The following LRFN2 variants were observed in gnomAD, a reference collection of about 807,000 sequenced individuals.
LRFN2 encodes the protein leucine-rich repeat and fibronectin type-III domain-containing protein 2.
Under a neutral mutation model 37.3 loss-of-function variants are expected in LRFN2, and 18 were observed. The observed-to-expected ratio is 0.48, with a 90% CI of 0.33 to 0.72. The LOEUF is 0.72. LRFN2 is among the 30% of genes least tolerant of loss of function. The probability of loss-of-function intolerance (pLI) is 0.02; values close to 1 mark genes in which losing one functional copy is unlikely to be tolerated. For synonymous variants in LRFN2, 556 were observed against 466.6 expected, an observed-to-expected ratio of 1.19 and a Z score of -2.47; for missense variants, 1,006 against 1,060.7, an observed-to-expected ratio of 0.95 and a Z score of 0.72.
chr6:40,460,093 G>T (rs1764314675), intron 1 of LRFN2, among the ~76,000 whole-genome samples: 1 of 152,210 alleles, frequency 6.6e-6, no homozygotes, highest in African/African-American at 2.4e-5. Flanking sequence ...CTGCAACCAG[G>T]AGCGGTTGGA....
intron 1 of LRFN2, among the ~76,000 whole-genome samples, chr6:40,467,956 A>T (rs536859588): frequency 3.3e-5 from 5 of 152,272 alleles, no homozygotes; most frequent in African/African-American, 1.2e-4. Flanking sequence ...ATGAGGGTAG[A>T]CAGCCTCTGC....
At chr6:40,504,374 T>C (rs751626162) in intron 1 of LRFN2, among the ~76,000 whole-genome samples, 3 of 152,172 alleles carry the variant, frequency 2.0e-5, no homozygotes, top group Non-Finnish European at 2.9e-5. Flanking sequence ...ATCTTAAACA[T>C]GAAAGGCTTA....
intron 1 of LRFN2, among the ~76,000 whole-genome samples, chr6:40,493,848 G>T (rs1460872766): frequency 6.6e-6 from 1 of 152,194 alleles, no homozygotes; most frequent in East Asian, 1.9e-4. Context: ...CCAGTCTCAG[G>T]TTACAATTGA....
At chr6:40,477,403 G>A (rs1764733461) in intron 1 of LRFN2, among the ~76,000 whole-genome samples, 1 of 152,170 alleles carries the variant, frequency 6.6e-6, no homozygotes, top group African/African-American at 2.4e-5. Flanking sequence ...TTTCAACAAG[G>A]TTATCTACGT....
chr6:40,518,301 A>G (rs1765942849), intron 1 of LRFN2, among the ~76,000 whole-genome samples: 1 of 152,216 alleles, frequency 6.6e-6, no homozygotes, highest in Non-Finnish European at 1.5e-5. Flanking sequence ...GCTGGTGACC[A>G]ATAAATATTT....
At chr6:40,584,614 C>T (rs148159879) in intron 1 of LRFN2, among the ~76,000 whole-genome samples, 7 of 152,276 alleles carry the variant, frequency 4.6e-5, no homozygotes, top group Non-Finnish European at 7.3e-5. Context: ...TCCCTAGATG[C>T]TAATATCTAC....
chr6:40,557,984 C>A (rs1766922222), intron 1 of LRFN2, among the ~76,000 whole-genome samples: 2 of 152,280 alleles, frequency 1.3e-5, no homozygotes, highest in South Asian at 4.1e-4. Context: ...AAGTTTTGGG[C>A]AAGGATTCGC....
chr6:40,442,167 C>T (rs1397113638), intron 1 of LRFN2, among the ~76,000 whole-genome samples: 1 of 152,190 alleles, frequency 6.6e-6, no homozygotes, highest in African/African-American at 2.4e-5. Context: ...CCAGGAGCAA[C>T]TTCAGTGCAG....
At chr6:40,437,841 G>C (rs1763727170) in intron 1 of LRFN2, among the ~76,000 whole-genome samples, 1 of 152,210 alleles carries the variant, frequency 6.6e-6, no homozygotes, top group South Asian at 2.1e-4. Context: ...ATCTTAGGGT[G>C]GTGTAGGTGG....
intron 1 of LRFN2, among the ~76,000 whole-genome samples, chr6:40,572,346 G>A (rs1767204165): frequency 6.6e-6 from 1 of 152,136 alleles, no homozygotes; most frequent in Non-Finnish European, 1.5e-5. Context: ...CAGCATCAAG[G>A]GACCCGGGCC....
At chr6:40,470,968 C>A (rs960593983) in intron 1 of LRFN2, among the ~76,000 whole-genome samples, 4 of 152,214 alleles carry the variant, frequency 2.6e-5, no homozygotes, top group African/African-American at 9.7e-5. Flanking sequence ...CCAGGAGTGG[C>A]AGGGTCACAC....
chr6:40,425,035 C>G (rs1195716750), intron 2 of LRFN2, among the ~76,000 whole-genome samples: 1 of 152,242 alleles, frequency 6.6e-6, no homozygotes, highest in East Asian at 1.9e-4. Context: ...CCCTCTTGTC[C>G]TTTCCCCAGA....
intron 2 of LRFN2, among the ~76,000 whole-genome samples, chr6:40,417,879 G>C (rs1763132404): frequency 1.3e-5 from 2 of 152,106 alleles, no homozygotes; most frequent in Non-Finnish European, 2.9e-5. Flanking sequence ...GGAGCAACAG[G>C]GTCTCAAGAT....
chr6:40,396,659 C>T (rs922881450), intron 2 of LRFN2, among the ~76,000 whole-genome samples: 4 of 150,370 alleles, frequency 2.7e-5, no homozygotes, highest in African/African-American at 9.9e-5. Flanking sequence ...AGCAGAAAGG[C>T]GGAAGGCGGC....
intron 1 of LRFN2, among the ~76,000 whole-genome samples, chr6:40,461,070 G>C (rs897147776): frequency 1.3e-5 from 2 of 152,118 alleles, no homozygotes; most frequent in Non-Finnish European, 2.9e-5. Flanking sequence ...TATATACCAA[G>C]CATCTGGAAA....
intron 1 of LRFN2, among the ~76,000 whole-genome samples, chr6:40,451,089 G>A (rs1764093004): frequency 6.6e-6 from 1 of 152,200 alleles, no homozygotes; most frequent in Non-Finnish European, 1.5e-5. Flanking sequence ...CTAGACATGT[G>A]TGATATAATC....
intron 1 of LRFN2, among the ~76,000 whole-genome samples, chr6:40,536,827 C>T (rs1441946495): frequency 1.3e-5 from 2 of 152,180 alleles, no homozygotes; most frequent in African/African-American, 4.8e-5. Context: ...TATCTCCTGG[C>T]CCCTGGCGAA....
intron 1 of LRFN2, among the ~76,000 whole-genome samples, chr6:40,488,953 G>C (rs1765028922): frequency 6.6e-6 from 1 of 152,210 alleles, no homozygotes; most frequent in Non-Finnish European, 1.5e-5. Context: ...TGTTGGTGGA[G>C]AGTTGAACCG....
intron 1 of LRFN2, among the ~76,000 whole-genome samples, chr6:40,480,538 A>G (rs999069939): frequency 1.3e-5 from 2 of 152,240 alleles, no homozygotes; most frequent in Middle Eastern, 3.4e-3. Flanking sequence ...TCGGCCTCCC[A>G]AAGTGCTGGG....
Sources: gnomAD v4.1 joint callset for allele counts (sites outside exome capture counted in the v4.1 genomes callset) on GRCh38, gnomAD v4.1.1 for gene constraint, MANE v1.5 for transcripts, NCBI Gene and HGNC (gene_info 2026-07-23, HGNC 2026-07-21) for gene names.